The following PRKCE variants were observed in gnomAD, a reference collection of about 807,000 sequenced individuals.
PRKCE encodes the protein protein kinase C epsilon, also known as protein kinase C epsilon type.
PRKCE carries 16 observed loss-of-function variants against 85.4 expected under a neutral mutation model. That is an observed-to-expected ratio of 0.19 (90% CI 0.13 to 0.28). PRKCE has a LOEUF of 0.28. Ranked by LOEUF, PRKCE falls within the 10% of genes least tolerant of loss-of-function variation. The pLI, the probability that PRKCE is intolerant of heterozygous loss-of-function variation, is 1.00. For synonymous variants in PRKCE, 388 were observed against 371.5 expected (o/e 1.04, Z -0.51); for missense variants, 573 against 975.2 (o/e 0.59, Z 5.49).
At chr2:46,119,793 C>G (rs901515772) in intron 11 of PRKCE, among the ~76,000 whole-genome samples, 1 of 152,190 alleles carries the variant, frequency 6.6e-6, no homozygotes. Context: ...AACACTCCAC[C>G]CAGTGTGTTA....
At chr2:45,858,410 G>A (rs899366909) in intron 2 of PRKCE, among the ~76,000 whole-genome samples, 1 of 151,796 alleles carries the variant, frequency 6.6e-6, no homozygotes, top group African/African-American at 2.4e-5. Flanking sequence ...TACCCTCTGT[G>A]ATTTGTTTCC....
chr2:45,935,767 A>T (rs1558855954), intron 2 of PRKCE, among the ~76,000 whole-genome samples: 1 of 147,752 alleles, frequency 6.8e-6, no homozygotes, highest in Non-Finnish European at 1.5e-5. Context: ...CCCACACGAC[A>T]AAGTGAGACT....
At chr2:46,110,849 C>T (rs1336669252) in intron 11 of PRKCE, among the ~76,000 whole-genome samples, 1 of 152,070 alleles carries the variant, frequency 6.6e-6, no homozygotes, top group Non-Finnish European at 1.5e-5. Flanking sequence ...TCTGTTTAAA[C>T]ACTGCTTTCA....
intron 10 of PRKCE, among the ~76,000 whole-genome samples, chr2:46,042,636 G>T (rs1708280298): frequency 6.6e-6 from 1 of 152,154 alleles, no homozygotes; most frequent in African/African-American, 2.4e-5. Flanking sequence ...TCAACTAATG[G>T]CATGAGCCCT....
intron 2 of PRKCE, among the ~76,000 whole-genome samples, chr2:45,961,854 C>T (rs915932465): frequency 6.6e-6 from 1 of 152,126 alleles, no homozygotes; most frequent in Non-Finnish European, 1.5e-5. Context: ...TGCCGCGAAG[C>T]CCAGCTAATT....
intron 10 of PRKCE, among the ~76,000 whole-genome samples, 182 bp from the exon 11 acceptor site, chr2:46,086,026 C>T (rs1669604407): frequency 1.3e-5 from 2 of 152,182 alleles, no homozygotes; most frequent in Non-Finnish European, 2.9e-5. Context: ...GTGCTTCATA[C>T]CCTAATCTGT....
rs1669526452 is a variant in PRKCE, at chr2:46,085,578, TCTGCC to T, written c.1438-629_1438-625del. 1.7e-5 allele frequency among the ~76,000 whole-genome samples: 2 copies of T among 115,532 alleles called. 1 individual carries two copies. Among genetic ancestry groups the T allele is most frequent in the African/African-American group, 6.8e-5 (2 of 29,404 alleles). 75.8% of individuals were successfully genotyped at this position (115,532 alleles called of 152,430 possible). ...GGCTTGTGACTGTTTCACTCCAATCTCTGCCTCTGTGGCCACTTGGCCTCCTCCTC... is the reference window on the plus strand; with the variant it reads ...GGCTTGTGACTGTTTCACTCCAATCTTCTGTGGCCACTTGGCCTCCTCCTC... On this transcript the variant is annotated intron_variant, in intron 10 of 14. Coordinates refer to ENST00000306156, the MANE Select transcript of PRKCE (RefSeq NM_005400.3).
intron 9 of PRKCE, among the ~76,000 whole-genome samples, chr2:46,008,242 G>T (rs931303551): frequency 1.3e-5 from 2 of 152,156 alleles, no homozygotes; most frequent in Non-Finnish European, 2.9e-5. Flanking sequence ...CTCTGCCCTT[G>T]GTGCCATTCT....
At chr2:46,005,637 C>G (rs1705122333) in intron 8 of PRKCE, among the ~76,000 whole-genome samples, 1 of 152,108 alleles carries the variant, frequency 6.6e-6, no homozygotes, top group Non-Finnish European at 1.5e-5. Context: ...AGAAACCCTG[C>G]CATCAAACCT....
At chr2:45,668,938 A>AGG (rs1281469983) in intron 1 of PRKCE, among the ~76,000 whole-genome samples, 1 of 152,200 alleles carries the variant, frequency 6.6e-6, no homozygotes, top group Non-Finnish European at 1.5e-5. Flanking sequence ...AGGGACTAGA[A>AGG]TGGGACTCAG....
chr2:45,993,701 G>T (rs1466389733), intron 6 of PRKCE, among the ~76,000 whole-genome samples: 1 of 152,124 alleles, frequency 6.6e-6, no homozygotes, highest in Admixed American at 6.5e-5. Context: ...GCAGAAGACA[G>T]CTTTCATGGG....
intron 12 of PRKCE, among the ~76,000 whole-genome samples, chr2:46,147,529 G>A (rs1676190588): frequency 1.3e-5 from 2 of 152,232 alleles, no homozygotes; most frequent in Non-Finnish European, 2.9e-5. Context: ...TCTGATCTCT[G>A]TTCACAATGA....
chr2:45,873,632 A>G (rs756236049), intron 2 of PRKCE, among the ~76,000 whole-genome samples: 2 of 152,202 alleles, frequency 1.3e-5, no homozygotes, highest in African/African-American at 2.4e-5. Context: ...CCTTTGCCAA[A>G]TGAAGTCAGC....
chr2:45,743,258 TAACTA>T (rs1262523019), intron 1 of PRKCE, among the ~76,000 whole-genome samples: 1 of 152,158 alleles, frequency 6.6e-6, no homozygotes, highest in Non-Finnish European at 1.5e-5. Context: ...GGGTGGATCT[TAACTA>T]TACTCACCAT....
intron 1 of PRKCE, among the ~76,000 whole-genome samples, chr2:45,793,915 G>T (rs1159715013): frequency 6.6e-6 from 1 of 152,020 alleles, no homozygotes; most frequent in Non-Finnish European, 1.5e-5. Context: ...TTCTTGCTTG[G>T]TTCGGATTGG....
At chr2:46,085,736 GTTTTTTT>G (rs1170933914) in intron 10 of PRKCE, among the ~76,000 whole-genome samples, 1 of 104,564 alleles carries the variant, frequency 9.6e-6, no homozygotes, top group South Asian at 3.5e-4. Flanking sequence ...TGCAAAATCC[GTTTTTTT>G]TTTTTGTTTT....
chr2:45,769,815 C>T (rs1286588819), intron 1 of PRKCE, among the ~76,000 whole-genome samples: 3 of 152,208 alleles, frequency 2.0e-5, no homozygotes, highest in Non-Finnish European at 4.4e-5. Flanking sequence ...TAAGTGCATC[C>T]TTGTCTCTAA....
chr2:45,912,686 C>T (rs1028591428), intron 2 of PRKCE, among the ~76,000 whole-genome samples: 1 of 152,174 alleles, frequency 6.6e-6, no homozygotes, highest in Non-Finnish European at 1.5e-5. Flanking sequence ...AAGCGCATCT[C>T]ACCGAAAATC....
intron 2 of PRKCE, among the ~76,000 whole-genome samples, chr2:45,864,003 A>G (rs888132036): frequency 1.3e-5 from 2 of 152,132 alleles, no homozygotes; most frequent in Admixed American, 1.3e-4. Context: ...CCAGGTTTCA[A>G]TTTCCTTGTT....
Sources: allele counts gnomAD v4.1 joint callset (sites outside exome capture counted in the v4.1 genomes callset), GRCh38; gene constraint gnomAD v4.1.1; transcripts MANE v1.5; gene names NCBI Gene and HGNC (gene_info 2026-07-23, HGNC 2026-07-21).